Variants in PHF14 observed in about 807,000 individuals in gnomAD.
The protein encoded by PHF14 is PHD finger protein 14.
In PHF14, 55 loss-of-function variants were observed where a neutral mutation model predicts 117.9. The observed-to-expected ratio is 0.47, with a 90% CI of 0.38 to 0.58. PHF14 has a LOEUF of 0.58. Ranked by LOEUF, PHF14 falls within the 20% of genes least tolerant of loss-of-function variation. PHF14 has a pLI of 0.00. For missense variants in PHF14, 978 were observed against 1,122.2 expected, an observed-to-expected ratio of 0.87 and a Z score of 1.84; for synonymous variants, 409 against 368.6, an observed-to-expected ratio of 1.11 and a Z score of -1.26.
Position 11,035,118 on chromosome 7 carries a change from A to T in PHF14, c.1456-522A>T, listed in dbSNP as rs1009212962. ...GCAGATCGAAAATGTTTGAAAAAAAAAAAGCGTAATAAAAAAGAATACAAA... is the reference window on the plus strand; with the variant it reads ...GCAGATCGAAAATGTTTGAAAAAAATAAAGCGTAATAAAAAAGAATACAAA... On this transcript the variant is annotated intron_variant, in intron 7 of 17. Coordinates refer to ENST00000634607, the MANE Select transcript of PHF14 (RefSeq NM_001007157.2). Among the ~76,000 whole-genome samples, 20 of 152,238 alleles carry T rather than the reference A, an allele frequency of 1.3e-4. No individual in the cohort carries two copies. In the South Asian group the frequency reaches 3.1e-3, roughly 24 times the overall value.
At chr7:11,129,952 G>A (rs539871347) in intron 17 of PHF14, among the ~76,000 whole-genome samples, 1 of 152,074 alleles carries the variant, frequency 6.6e-6, no homozygotes, top group Non-Finnish European at 1.5e-5. Flanking sequence ...AATTATAAAG[G>A]CTAGTAGGAT....
At chr7:11,048,250 G>A (rs1037272013) in intron 13 of PHF14, among the ~76,000 whole-genome samples, 26 of 152,036 alleles carry the variant, frequency 1.7e-4, no homozygotes, top group African/African-American at 6.0e-4. Context: ...TTGACTTTAG[G>A]AAAGATAATC....
chr7:10,989,984 A>G (rs1185587455), intron 3 of PHF14, among the ~76,000 whole-genome samples: 1 of 152,124 alleles, frequency 6.6e-6, no homozygotes, highest in Non-Finnish European at 1.5e-5. Flanking sequence ...TTTACACTGG[A>G]TATTTCTTGA....
intron 13 of PHF14, among the ~76,000 whole-genome samples, chr7:11,049,504 G>A (rs1260477843): frequency 6.1e-5 from 9 of 148,430 alleles, no homozygotes; most frequent in African/African-American, 2.0e-4. Flanking sequence ...GTGTAAATTA[G>A]AACTGTTTGA....
chr7:11,066,761 T>G (rs1355608217), intron 16 of PHF14, among the ~76,000 whole-genome samples: 2 of 152,254 alleles, frequency 1.3e-5, no homozygotes, highest in African/African-American at 4.8e-5. Flanking sequence ...GACTTTCTAT[T>G]ATATTCCATT....
At chr7:10,992,492 A>C (rs1043483568) in intron 4 of PHF14, among the ~76,000 whole-genome samples, 1 of 151,242 alleles carries the variant, frequency 6.6e-6, no homozygotes, top group Non-Finnish European at 1.5e-5. Flanking sequence ...GCGAAACCCC[A>C]TCTCTACTAA....
At position 11,130,061 on chromosome 7, in the gene PHF14, A is replaced by G. The variant is rs1441782015; in HGVS notation, c.2772+18594A>G. ...TATAAGTTGATTTCTCATTCATGTAACGTATCAGTACAGGTTGACAGAGCA... is the reference window on the plus strand; with the variant it reads ...TATAAGTTGATTTCTCATTCATGTAGCGTATCAGTACAGGTTGACAGAGCA... On this transcript the variant is annotated intron_variant, in intron 17 of 17. Coordinates refer to ENST00000634607, the MANE Select transcript of PHF14 (RefSeq NM_001007157.2). This position sits in a 1 kb window ranked among gnomAD's most constrained non-coding sequence, Gnocchi z 4.2. Among the ~76,000 whole-genome samples the G allele has an allele frequency of 1.3e-5, 2 of 152,002 alleles. No individual in the cohort carries two copies. The highest frequency in any genetic ancestry group is 2.9e-5 in the Non-Finnish European group (2 of 67,958).
chr7:10,974,459 G>A (rs1395275275), intron 1 of PHF14, 135 bp downstream of exon 1: 3 of 784,380 alleles, frequency 3.8e-6, no homozygotes, highest in Non-Finnish European at 6.5e-6. Context: ...TCCATGGTCC[G>A]CGGGAATGAA....
At chr7:11,056,696 TA>T (rs1257031891) in intron 14 of PHF14, among the ~76,000 whole-genome samples, 7 of 151,200 alleles carry the variant, frequency 4.6e-5, no homozygotes, top group African/African-American at 1.7e-4. Flanking sequence ...GAAAGACAAA[TA>T]TTTTTAGGAA....
intron 7 of PHF14, among the ~76,000 whole-genome samples, chr7:11,033,488 T>G (rs1469007122): frequency 6.6e-6 from 1 of 152,146 alleles, no homozygotes; most frequent in Non-Finnish European, 1.5e-5. Context: ...TTCATACAAC[T>G]TATTGGCCAG....
chr7:11,119,464 C>G (rs1210193852), intron 17 of PHF14, among the ~76,000 whole-genome samples: 1 of 151,518 alleles, frequency 6.6e-6, no homozygotes. Context: ...AATTTTTATT[C>G]CAGTTTTTAT....
At chr7:10,991,053 C>T (rs1319018306) in intron 4 of PHF14, among the ~76,000 whole-genome samples, 49 of 152,128 alleles carry the variant, frequency 3.2e-4, no homozygotes, top group Non-Finnish European at 6.2e-4. Flanking sequence ...TGCAGTGGCA[C>T]AATCTCGGTT....
intron 17 of PHF14, among the ~76,000 whole-genome samples, chr7:11,153,446 G>T (rs1202736874): frequency 2.0e-5 from 3 of 151,990 alleles, no homozygotes; most frequent in African/African-American, 7.2e-5. Flanking sequence ...TTTGTACATG[G>T]TATGTTTGAG....
At chr7:11,012,749 A>G (rs895013896) in intron 4 of PHF14, among the ~76,000 whole-genome samples, 2 of 152,218 alleles carry the variant, frequency 1.3e-5, no homozygotes, top group Non-Finnish European at 2.9e-5. Flanking sequence ...TTTGTGAGTG[A>G]TAAGAGGAAA....
At chr7:11,118,432 AT>A (rs1388552609) in intron 17 of PHF14, among the ~76,000 whole-genome samples, 1 of 151,806 alleles carries the variant, frequency 6.6e-6, no homozygotes, top group Middle Eastern at 3.2e-3. Flanking sequence ...ATGTCTTTTA[AT>A]CCCTTAGTTT....
intron 3 of PHF14, among the ~76,000 whole-genome samples, chr7:10,987,280 T>C (rs78208494): frequency 1.3e-5 from 2 of 152,154 alleles, no homozygotes; most frequent in East Asian, 1.9e-4. Context: ...CTTTTTGTTA[T>C]AATAATTTTT....
chr7:11,025,971 G>A (rs1357101049), intron 6 of PHF14, among the ~76,000 whole-genome samples: 3 of 151,954 alleles, frequency 2.0e-5, no homozygotes, highest in Admixed American at 2.0e-4. Flanking sequence ...AATTAGCTGG[G>A]CGTGGTGGCA....
intron 5 of PHF14, among the ~76,000 whole-genome samples, chr7:11,016,607 A>G (rs1247730917): frequency 6.6e-6 from 1 of 151,914 alleles, no homozygotes; most frequent in Non-Finnish European, 1.5e-5. Flanking sequence ...TAGTTTTACT[A>G]TTTGTGGGTA....
intron 16 of PHF14, among the ~76,000 whole-genome samples, chr7:11,070,857 A>G (rs1043169835): frequency 6.6e-6 from 1 of 152,194 alleles, no homozygotes; most frequent in African/African-American, 2.4e-5. Context: ...CCATATCTGT[A>G]TATTTTTGCA....
Sources: gnomAD v4.1 joint callset for allele counts (sites outside exome capture counted in the v4.1 genomes callset) on GRCh38, gnomAD v4.1.1 for gene constraint, Gnocchi (gnomAD v3.1) non-coding constraint, MANE v1.5 for transcripts, NCBI Gene and HGNC (gene_info 2026-07-23, HGNC 2026-07-21) for gene names.